KCNAB3: variants seen among roughly 807,000 people sequenced by gnomAD.
KCNAB3 encodes voltage-gated potassium channel subunit beta-3.
In KCNAB3, 62 loss-of-function variants were observed where a neutral mutation model predicts 67.7. That is an observed-to-expected ratio of 0.92 (90% CI 0.75 to 1.13). The LOEUF (loss-of-function observed/expected upper bound fraction) is 1.13. Ranked by LOEUF, KCNAB3 falls within the 50% of genes most tolerant of loss-of-function variation. KCNAB3 has a pLI of 0.00. For missense variants in KCNAB3, 514 were observed against 522.9 expected (o/e 0.98, Z 0.17); for synonymous variants, 212 against 205.4 (o/e 1.03, Z -0.27).
At position 7,924,836 on chromosome 17, in the gene KCNAB3, G is replaced by C. The variant is rs184326379; in HGVS notation, c.625+261C>G. The stretch of plus-strand genomic sequence containing the variant: ...TAGCTCACTGTGGCCTCAAACTCCT[G>C]GGCTTGAATGATCCTCCTGCCTCAG... On this transcript the variant is annotated intron_variant, in intron 8 of 13. Transcript: ENST00000303790. 3.4e-3 allele frequency: 2,126 copies of C among 616,438 alleles called. 5 individuals are homozygous for C. Among genetic ancestry groups the C allele is most frequent in the Non-Finnish European group, 4.7e-3 (1,816 of 389,544 alleles). 38.2% of individuals were successfully genotyped at this position (616,438 alleles called of 1,614,324 possible). A position where few individuals can be genotyped will look rare whatever the true frequency, so the allele number is the denominator to read the frequency against.
chr17:7,926,903 G>C (rs918066022), intron 4 of KCNAB3, among the ~76,000 whole-genome samples: 10 of 152,102 alleles, frequency 6.6e-5, no homozygotes, highest in Non-Finnish European at 1.3e-4. Context: ...AGCTCATGGT[G>C]GGGGAGGGGG....
At position 7,929,451 on chromosome 17, in the gene KCNAB3, CG is replaced by C. The variant is rs1972354385; in HGVS notation, c.-17del. On this transcript the variant is annotated 5_prime_UTR_variant, in exon 1 of 14. Coordinates refer to ENST00000303790, the MANE Select transcript of KCNAB3 (RefSeq NM_004732.4). This position sits in a 1 kb window ranked among gnomAD's most constrained non-coding sequence, Gnocchi z 5.7. Reference sequence around the variant, plus strand: ...ACACCTGCATGCTGGCTGGCCGAGGCGGGGGAGGGGGCTCCGAGGGGACGGG... The same window carrying C: ...ACACCTGCATGCTGGCTGGCCGAGGCGGGGAGGGGGCTCCGAGGGGACGGG... 7 of 1,271,064 alleles carry C rather than the reference CG, an allele frequency of 5.5e-6. No individual in the cohort carries two copies. The East Asian group carries it at 8.1e-5, about 15-fold the overall frequency. 78.7% of individuals were successfully genotyped at this position (1,271,064 alleles called of 1,614,324 possible).
intron 6 of KCNAB3, 89 bp downstream of exon 6, chr17:7,925,842 T>TGC: frequency 6.3e-7 from 1 of 1,592,406 alleles, no homozygotes; most frequent in East Asian, 2.2e-5. Flanking sequence ...GCGGACCTGG[T>TGC]GCAGGATAGC....
chr17:7,926,961 C>T (rs966786523), intron 4 of KCNAB3, among the ~76,000 whole-genome samples: 10 of 152,066 alleles, frequency 6.6e-5, no homozygotes, highest in Non-Finnish European at 1.0e-4. Context: ...AGCGGACACT[C>T]GGGTCAAGTC....
chr17:7,922,011 C>G lies in KCNAB3; in HGVS notation c.*1091G>C, dbSNP rs949294846. ...AACTGGGGCCTGGGGTATCTGGTGT[C>G]TTGGTCCTTGATGAGAACAGTGACT... On this transcript the variant is annotated 3_prime_UTR_variant, in exon 14 of 14. Coordinates refer to ENST00000303790, the MANE Select transcript of KCNAB3 (RefSeq NM_004732.4). The G allele has an allele frequency of 6.6e-6, 1 of 152,316 alleles. No homozygotes were observed. The highest frequency in any genetic ancestry group is 1.9e-4 in the East Asian group (1 of 5,188). The allele number at this position is 152,316 out of a possible 1,614,324, so 9.4% of individuals were successfully genotyped here. A position where few individuals can be genotyped will look rare whatever the true frequency, so the allele number is the denominator to read the frequency against.
rs373186210 is a variant in KCNAB3, at chr17:7,925,146, G to A, written c.576C>T (p.Tyr192=). 6.8e-6 allele frequency: 11 copies of A among 1,613,804 alleles called. No individual in the cohort carries two copies. The highest frequency in any genetic ancestry group is 2.7e-5 in the African/African-American group (2 of 75,002). The change falls in exon 8 of 14, where the codon TAC becomes TAT. Residue 192 remains tyrosine (Y), a synonymous_variant. Transcript: ENST00000303790. ...RGSLERLQLG[Y]VDIVFANRSD... ...AGCGATTGGCAAAGACAATGTCCAC[G>A]TATCCCAGCTGGAGGCGTTCCAGGG...
At chr17:7,925,580 C>G (rs1972200650) in intron 7 of KCNAB3, 103 bp downstream of exon 7, 1 of 1,107,998 alleles carries the variant, frequency 9.0e-7, no homozygotes, top group Non-Finnish European at 1.4e-6. Flanking sequence ...CTTGCCATGG[C>G]CACCTAAATC....
At position 7,929,816 on chromosome 17, in the gene KCNAB3, ACCCGCTGG is replaced by A; in HGVS notation, c.-389_-382del. 2.0e-6 allele frequency: 2 copies of A among 1,019,420 alleles called. No individual in the cohort carries two copies. The highest frequency in any genetic ancestry group is 1.2e-6 in the Non-Finnish European group (1 of 852,084). 63.1% of individuals were successfully genotyped at this position (1,019,420 alleles called of 1,614,324 possible). A position where few individuals can be genotyped will look rare whatever the true frequency, so the allele number is the denominator to read the frequency against. On this transcript the variant is annotated 5_prime_UTR_variant, in exon 1 of 14. Coordinates refer to ENST00000303790, the MANE Select transcript of KCNAB3 (RefSeq NM_004732.4). The surrounding 1 kb of genome is among the most constrained non-coding windows in gnomAD (Gnocchi z 5.7). ...CCACTTCAGCGCGAACCGCTGCGGGACCCGCTGGGCTCCCAGCCGCGTCGGCAGCGGGC... is the reference window on the plus strand; with the variant it reads ...CCACTTCAGCGCGAACCGCTGCGGGAGCTCCCAGCCGCGTCGGCAGCGGGC...
rs1445711037 is a variant in KCNAB3, at chr17:7,929,280, C to A, written c.156G>T (p.Lys52Asn). 13 of 1,595,686 alleles carry A rather than the reference C, an allele frequency of 8.1e-6. No individual in the cohort carries two copies. In the East Asian group the frequency reaches 2.7e-4, roughly 34 times the overall value. Residue 52 changes from lysine to asparagine, a missense_variant, in exon 1 of 14, where the codon AAG becomes AAT. Transcript: ENST00000303790. The surrounding 1 kb of genome is among the most constrained non-coding windows in gnomAD (Gnocchi z 5.7). The stretch of plus-strand genomic sequence containing the variant: ...GTCGGGGAACCAGTGCAGCTCGGGC[C>A]TTGGGGCCAGACCCTCCACCCCCCG... ...NPPGGGGSGP[K>N]ARAALVPRPP... is the part of the protein sequence containing the mutation.
intron 4 of KCNAB3, 84 bp from the exon 5 acceptor site, chr17:7,926,187 A>G (rs1406821158): frequency 2.6e-6 from 4 of 1,509,808 alleles, no homozygotes; most frequent in Non-Finnish European, 3.7e-6. Flanking sequence ...CCTCTCTTGC[A>G]AAGTAGGATA....
Position 7,924,429 on chromosome 17 carries a change from C to A in KCNAB3, c.697G>T (p.Ala233Ser), listed in dbSNP as rs747399495. ...CACACACTCACCATGATTTCTGCAG[C>A]CCCCCATCGGGATGTCCCCCAGTAT... is the stretch of plus-strand genomic sequence containing the variant. ...ALYWGTSRWG[A>S]AEIMEAYSMA... The change falls in exon 9 of 14, where the codon GCT (alanine) becomes TCT (serine). Residue 233 changes from alanine (A) to serine (S), a missense_variant. Physicochemically the swap from Ala to Ser is moderately conservative, Grantham distance 99. Coordinates refer to ENST00000303790, the MANE Select transcript of KCNAB3 (RefSeq NM_004732.4). 6 of 1,613,758 alleles carry A rather than the reference C, an allele frequency of 3.7e-6. No homozygotes were observed. The highest frequency in any genetic ancestry group is 4.2e-6 in the Non-Finnish European group (5 of 1,179,758).
rs532719705 is a variant in KCNAB3, at chr17:7,923,294, C to T, written c.1138-115G>A. Reference sequence around the variant, plus strand: ...TGGGGTCAAGTGGCAAGGCAAGAGCCGCAGCTGTGCCGGTGCCTCGCTTTC... The same window carrying T: ...TGGGGTCAAGTGGCAAGGCAAGAGCTGCAGCTGTGCCGGTGCCTCGCTTTC... On this transcript the variant is annotated intron_variant, in intron 13 of 13. Coordinates refer to ENST00000303790, the MANE Select transcript of KCNAB3 (RefSeq NM_004732.4). The T allele has an allele frequency of 7.2e-5, 92 of 1,276,132 alleles. No individual in the cohort carries two copies. The African/African-American group carries it at 1.2e-3, about 17-fold the overall frequency. 79.1% of individuals were successfully genotyped at this position (1,276,132 alleles called of 1,614,324 possible). A position where few individuals can be genotyped will look rare whatever the true frequency, so the allele number is the denominator to read the frequency against.
In KCNAB3 at chr17:7,923,075, G is replaced by A. The variant is rs747273832; in HGVS notation, c.*27C>T. The A allele has an allele frequency of 3.1e-6, 5 of 1,607,990 alleles. No individual in the cohort carries two copies. In the East Asian group the frequency reaches 8.9e-5, roughly 29 times the overall value. Reference sequence around the variant, plus strand: ...GGGCTCGGGCGGGTGCAGCGACACCGGGTTGGGTCCCTGCGCCCGCGACAG... The same window carrying A: ...GGGCTCGGGCGGGTGCAGCGACACCAGGTTGGGTCCCTGCGCCCGCGACAG... On this transcript the variant is annotated 3_prime_UTR_variant, in exon 14 of 14. Coordinates refer to ENST00000303790, the MANE Select transcript of KCNAB3 (RefSeq NM_004732.4).
chr17:7,926,001 A>G (rs1198898012), intron 5 of KCNAB3, 26 bp from the exon 6 acceptor site: 1 of 1,614,182 alleles, frequency 6.2e-7, no homozygotes. Context: ...TGGGAGAACC[A>G]GTAAGAAAAG....
chr17:7,928,565 T>G (rs1972312629), intron 1 of KCNAB3, among the ~76,000 whole-genome samples: 1 of 152,014 alleles, frequency 6.6e-6, no homozygotes, highest in Admixed American at 6.6e-5. Context: ...TGACCTCAGC[T>G]CACTCCCAAG....
At position 7,922,923 on chromosome 17, in the gene KCNAB3, G is replaced by C. The variant is rs776493575; in HGVS notation, c.*179C>G. On this transcript the variant is annotated 3_prime_UTR_variant, in exon 14 of 14. Transcript: ENST00000303790. The stretch of plus-strand genomic sequence containing the variant: ...TGCTACTTTCTCTCTCGACCCCACT[G>C]CAAAAGGATATGGCTTTGTTCATGC... 9.6e-6 allele frequency: 6 copies of C among 622,372 alleles called. No homozygotes were observed. Among genetic ancestry groups the C allele is most frequent in the Non-Finnish European group, 1.7e-5 (6 of 345,670 alleles). The allele number at this position is 622,372 out of a possible 1,614,324, so 38.6% of individuals were successfully genotyped here. A position where few individuals can be genotyped will look rare whatever the true frequency, so the allele number is the denominator to read the frequency against.
At position 7,923,971 on chromosome 17, in the gene KCNAB3, G is replaced by C; in HGVS notation, c.924C>G (p.Ile308Met). 1 of 1,612,660 alleles carries C rather than the reference G, an allele frequency of 6.2e-7. No individual in the cohort carries two copies. Among genetic ancestry groups the C allele is most frequent in the Non-Finnish European group, 8.5e-7 (1 of 1,179,684 alleles). Residue 308 changes from isoleucine (I) to methionine (M), a missense_variant, in exon 11 of 14, where the codon ATC becomes ATG. Ile to Met is a conservative substitution (Grantham distance 10). Coordinates refer to ENST00000303790, the MANE Select transcript of KCNAB3 (RefSeq NM_004732.4). The stretch of plus-strand genomic sequence containing the variant: ...ATCGAGAGCCCCCAGATCTCACCTT[G>C]ATGGAGGCCCTGCAAGTATCTGGGA... ...GRVPDTCRASIKGYQWLKDKV... is the reference protein window; with the variant it reads ...GRVPDTCRASMKGYQWLKDKV...
Position 7,929,637 on chromosome 17 carries a change from AG to A in KCNAB3, c.-203del. ...GTCGCGAGGTTTGCGGCGGGAGGGA[AG>A]AAACGTGGGGGGCGCCAGGAGTGGA... On this transcript the variant is annotated 5_prime_UTR_variant, in exon 1 of 14. Coordinates refer to ENST00000303790, the MANE Select transcript of KCNAB3 (RefSeq NM_004732.4). The surrounding 1 kb of genome is among the most constrained non-coding windows in gnomAD (Gnocchi z 5.7). The A allele has an allele frequency of 7.0e-7, 1 of 1,424,576 alleles. No individual in the cohort carries two copies. The highest frequency in any genetic ancestry group is 9.1e-7 in the Non-Finnish European group (1 of 1,096,916). 88.2% of individuals were successfully genotyped at this position (1,424,576 alleles called of 1,614,324 possible).
In KCNAB3 at chr17:7,923,447, C is replaced by G; in HGVS notation, c.1137+9G>C. 6.2e-7 allele frequency: 1 copy of G among 1,605,166 alleles called. No homozygotes were observed. On this transcript the variant is annotated intron_variant, in intron 13 of 13. Transcript: ENST00000303790. ...ACAGATAGGCTCTGCCTCTGAGTCCCCGGCTCACCTGTAGCGCGCCCAGGT... is the reference window on the plus strand; with the variant it reads ...ACAGATAGGCTCTGCCTCTGAGTCCGCGGCTCACCTGTAGCGCGCCCAGGT...
Sources: allele counts gnomAD v4.1 joint callset (sites outside exome capture counted in the v4.1 genomes callset), GRCh38; gene constraint gnomAD v4.1.1; non-coding constraint Gnocchi (gnomAD v3.1); transcripts MANE v1.5; gene names NCBI Gene and HGNC (gene_info 2026-07-23, HGNC 2026-07-21).